KCNK9: variants seen among roughly 807,000 people sequenced by gnomAD.
The protein encoded by KCNK9 is potassium two pore domain channel subfamily K member 9.
Under a neutral mutation model 10.8 loss-of-function variants are expected in KCNK9, and 1 was observed. The ratio of observed to expected loss-of-function variants is 0.09; its 90% confidence interval spans 0.03 to 0.44. The LOEUF (loss-of-function observed/expected upper bound fraction) is 0.44, where lower values mean the gene tolerates loss of function less well. KCNK9 is among the 20% of genes least tolerant of loss of function. The pLI is 0.97. For synonymous variants in KCNK9, 231 were observed against 222.7 expected (o/e 1.04, Z -0.33); for missense variants, 303 against 515.0 (o/e 0.59, Z 3.98).
At chr8:139,695,068 C>G (rs1360680527) in intron 1 of KCNK9, among the ~76,000 whole-genome samples, 1 of 152,220 alleles carries the variant, frequency 6.6e-6, no homozygotes, top group Non-Finnish European at 1.5e-5. Context: ...CATCAACCAC[C>G]CCTTCCTTTC....
chr8:139,703,075 C>T lies in KCNK9; in HGVS notation c.-83G>A. 8.1e-7 allele frequency: 1 copy of T among 1,233,532 alleles called. No homozygotes were observed. Among genetic ancestry groups the T allele is most frequent in the Non-Finnish European group, 1.0e-6 (1 of 977,712 alleles). 76.4% of individuals were successfully genotyped at this position (1,233,532 alleles called of 1,614,324 possible). ...GTCCCACTGCAGCGCCCGGCGGCCGCCGCCGCCTCCTCCTCCGCCGCCGCC... is the reference window on the plus strand; with the variant it reads ...GTCCCACTGCAGCGCCCGGCGGCCGTCGCCGCCTCCTCCTCCGCCGCCGCC... On this transcript the variant is annotated 5_prime_UTR_variant, in exon 1 of 2. Coordinates refer to ENST00000520439, the MANE Select transcript of KCNK9 (RefSeq NM_001282534.2). This position sits in a 1 kb window ranked among gnomAD's most constrained non-coding sequence, Gnocchi z 6.4.
At chr8:139,624,138 G>A (rs957513523) in intron 1 of KCNK9, among the ~76,000 whole-genome samples, 4 of 152,184 alleles carry the variant, frequency 2.6e-5, no homozygotes, top group African/African-American at 7.2e-5. Context: ...CACAAGGGAC[G>A]CAGCCAGCCC....
In KCNK9 at chr8:139,703,020, G is replaced by T. The variant is rs1335408360; in HGVS notation, c.-28C>A. 3.2e-6 allele frequency: 5 copies of T among 1,542,320 alleles called. No individual in the cohort carries two copies. The African/African-American group carries it at 5.5e-5, about 17-fold the overall frequency. On this transcript the variant is annotated 5_prime_UTR_variant, in exon 1 of 2. Transcript: ENST00000520439. The surrounding 1 kb of genome is among the most constrained non-coding windows in gnomAD (Gnocchi z 6.4). ...CCGCCAGCAAGGAGCCGGCGCGGGG[G>T]GCATGTCCCGCAGGCTCACAGCCGC...
intron 1 of KCNK9, among the ~76,000 whole-genome samples, chr8:139,628,122 C>T (rs1426191183): frequency 2.6e-5 from 4 of 152,174 alleles, no homozygotes; most frequent in African/African-American, 7.2e-5. Context: ...GAAGGAAGAG[C>T]GAGAACAGAA....
intron 1 of KCNK9, among the ~76,000 whole-genome samples, chr8:139,659,291 C>A (rs990222006): frequency 6.6e-6 from 1 of 152,210 alleles, no homozygotes; most frequent in African/African-American, 2.4e-5. Context: ...TCCCTATGCA[C>A]TACAAGAGCT....
chr8:139,608,510 C>G (rs79566311), downstream of KCNK9, among the ~76,000 whole-genome samples: 22,129 of 152,152 alleles, frequency 0.15, 2,124 homozygotes, highest in African/African-American at 0.27. Context: ...AGATCTACTT[C>G]CTGGGACAGG....
intron 1 of KCNK9, among the ~76,000 whole-genome samples, chr8:139,643,119 C>G (rs965696509): frequency 1.3e-5 from 2 of 152,194 alleles, no homozygotes; most frequent in Non-Finnish European, 2.9e-5. Context: ...AGGACGTGGG[C>G]TTCCTCATGG....
intron 2 of KCNK9, among the ~76,000 whole-genome samples, chr8:139,604,280 T>A (rs1206538539): frequency 6.6e-6 from 1 of 152,194 alleles, no homozygotes; most frequent in Non-Finnish European, 1.5e-5. Flanking sequence ...CCTGTGGGGC[T>A]CATGCTTCCC....
intron 1 of KCNK9, among the ~76,000 whole-genome samples, chr8:139,667,711 C>A (rs2129724735): frequency 6.6e-6 from 1 of 151,784 alleles, no homozygotes; most frequent in East Asian, 1.9e-4. Context: ...AAAAAATGGT[C>A]CTCACAACAT....
At chr8:139,663,487 C>T (rs151305432) in intron 1 of KCNK9, among the ~76,000 whole-genome samples, 13 of 152,050 alleles carry the variant, frequency 8.5e-5, no homozygotes, top group Middle Eastern at 3.4e-3. Flanking sequence ...GCGAGAGTGA[C>T]ACTTGGTGAT....
chr8:139,622,285 G>C (rs1179839031), intron 1 of KCNK9, among the ~76,000 whole-genome samples: 1 of 152,192 alleles, frequency 6.6e-6, no homozygotes, highest in Non-Finnish European at 1.5e-5. Context: ...TCCCTCTCAA[G>C]TGAGAGACAA....
At position 139,675,151 on chromosome 8, in the gene KCNK9, G is replaced by A. The variant is rs192108211; in HGVS notation, c.283+27559C>T. Among the ~76,000 whole-genome samples, 142 of 152,292 alleles carry A rather than the reference G, an allele frequency of 9.3e-4. 1 individual carries two copies. Among genetic ancestry groups the A allele is most frequent in the African/African-American group, 3.3e-3 (139 of 41,566 alleles). On this transcript the variant is annotated intron_variant, in intron 1 of 1. Transcript: ENST00000520439. Reference sequence around the variant, plus strand: ...GAGCAGCGGTGGAGGAGCAAATGACGTAATAAGGTCCACAGCAGGCCCTAC... The same window carrying A: ...GAGCAGCGGTGGAGGAGCAAATGACATAATAAGGTCCACAGCAGGCCCTAC...
intron 1 of KCNK9, among the ~76,000 whole-genome samples, chr8:139,687,475 T>TACAC (rs1816826273): frequency 7.4e-6 from 1 of 134,692 alleles, no homozygotes; most frequent in African/African-American, 2.7e-5. Context: ...TATTCATATA[T>TACAC]ATGTATACAT....
chr8:139,640,708 A>C (rs1005404798), intron 1 of KCNK9, among the ~76,000 whole-genome samples: 1 of 152,218 alleles, frequency 6.6e-6, no homozygotes, highest in Admixed American at 6.5e-5. Context: ...TCTGAGTGAA[A>C]TTCAGGAGGG....
intron 1 of KCNK9, among the ~76,000 whole-genome samples, chr8:139,647,111 G>C (rs1209835192): frequency 6.6e-6 from 1 of 152,244 alleles, no homozygotes; most frequent in Non-Finnish European, 1.5e-5. Flanking sequence ...TGGAAGGCAG[G>C]AGCAGAGAGG....
At chr8:139,682,864 G>A (rs1237651669) in intron 1 of KCNK9, among the ~76,000 whole-genome samples, 2 of 151,654 alleles carry the variant, frequency 1.3e-5, no homozygotes, top group African/African-American at 4.8e-5. Flanking sequence ...AAATGCTTAG[G>A]TCATCCCCAG....
chr8:139,662,866 T>C (rs918187), intron 1 of KCNK9, among the ~76,000 whole-genome samples: 62,248 of 88,072 alleles, frequency 0.71, 19,456 homozygotes, highest in East Asian at 0.89. Context: ...AGGGGAGGGG[T>C]GGGGGAAGGG....
In KCNK9 at chr8:139,693,380, T is replaced by A. The variant is rs1047053497; in HGVS notation, c.283+9330A>T. On this transcript the variant is annotated intron_variant, in intron 1 of 1. Coordinates refer to ENST00000520439, the MANE Select transcript of KCNK9 (RefSeq NM_001282534.2). This position sits in a 1 kb window ranked among gnomAD's most constrained non-coding sequence, Gnocchi z 4.1. Reference sequence around the variant, plus strand: ...GTTGTCTTCCATTAAAAGCAACAGCTTGAGTTCAAAAGGCTGCAGCCTGTC... The same window carrying A: ...GTTGTCTTCCATTAAAAGCAACAGCATGAGTTCAAAAGGCTGCAGCCTGTC... 6.6e-6 allele frequency among the ~76,000 whole-genome samples: 1 copy of A among 152,004 alleles called. No homozygotes were observed. The highest frequency in any genetic ancestry group is 1.5e-5 in the Non-Finnish European group (1 of 68,006).
chr8:139,677,491 G>A (rs1816574968), intron 1 of KCNK9, among the ~76,000 whole-genome samples: 2 of 151,742 alleles, frequency 1.3e-5, no homozygotes, highest in South Asian at 4.2e-4. Flanking sequence ...AGCAGCTCAG[G>A]GCCAAGGGAG....
Sources: gnomAD v4.1 joint callset for allele counts (sites outside exome capture counted in the v4.1 genomes callset) on GRCh38, gnomAD v4.1.1 for gene constraint, Gnocchi (gnomAD v3.1) non-coding constraint, MANE v1.5 for transcripts, NCBI Gene and HGNC (gene_info 2026-07-23, HGNC 2026-07-21) for gene names.